The following DOCK2 variants were observed in gnomAD, a reference collection of about 807,000 sequenced individuals.
DOCK2 encodes dedicator of cytokinesis 2, also known as dedicator of cytokinesis protein 2.
A neutral mutation model predicts 248.9 loss-of-function variants in DOCK2; 87 were observed. The ratio of observed to expected loss-of-function variants is 0.35; its 90% CI spans 0.29 to 0.42. DOCK2 has a LOEUF of 0.42. Among genes scored for constraint, DOCK2 ranks in the 10% least tolerant of loss-of-function variants. The pLI, the probability that DOCK2 is intolerant of heterozygous loss-of-function variation, is 1.00. For synonymous variants in DOCK2, 805 were observed against 821.6 expected (o/e 0.98, Z 0.35); for missense variants, 1,747 against 2,300.2 (o/e 0.76, Z 4.92).
chr5:169,893,670 A>C (rs1429813202), intron 27 of DOCK2, among the ~76,000 whole-genome samples: 1 of 152,058 alleles, frequency 6.6e-6, no homozygotes, highest in Non-Finnish European at 1.5e-5. Flanking sequence ...GTCATGTTTC[A>C]CCCCTCTTCT....
intron 22 of DOCK2, among the ~76,000 whole-genome samples, chr5:169,746,481 C>T (rs952083760): frequency 9.2e-5 from 14 of 152,222 alleles, no homozygotes; most frequent in East Asian, 1.9e-4. Context: ...GCTTTTTGAG[C>T]GTGTAGGGCT....
At chr5:169,706,651 G>GT (rs1761283977) in intron 14 of DOCK2, among the ~76,000 whole-genome samples, 1 of 152,206 alleles carries the variant, frequency 6.6e-6, no homozygotes, top group South Asian at 2.1e-4. Context: ...TTCATCCCAT[G>GT]GAAAAACAAG....
intron 27 of DOCK2, among the ~76,000 whole-genome samples, chr5:169,952,479 G>T (rs1776701905): frequency 1.3e-5 from 2 of 152,020 alleles, no homozygotes; most frequent in Non-Finnish European, 2.9e-5. Flanking sequence ...TCTTATGCAG[G>T]TGACCTGTTT....
At chr5:169,819,957 C>T (rs1197465173) in intron 26 of DOCK2, among the ~76,000 whole-genome samples, 3 of 152,218 alleles carry the variant, frequency 2.0e-5, no homozygotes, top group Non-Finnish European at 4.4e-5. Flanking sequence ...TAGCAAACGG[C>T]ACACCAGGAG....
In DOCK2 at chr5:170,077,776, A is replaced by G. The variant is rs768506638; in HGVS notation, c.4933A>G (p.Ile1645Val). 2.5e-6 allele frequency: 4 copies of G among 1,613,876 alleles called. No individual in the cohort carries two copies. The highest frequency in any genetic ancestry group is 4.5e-5 in the East Asian group (2 of 44,864). The change falls in exon 48 of 52, where the codon ATC (isoleucine) becomes GTC (valine). Residue 1645 changes from isoleucine (I) to valine (V), a missense_variant. Ile to Val is a conservative substitution (Grantham distance 29). Transcript: ENST00000520908. ...SMLRSYRQMSIISLASMNSDC... is the reference protein window; with the variant it reads ...SMLRSYRQMSVISLASMNSDC... Reference sequence around the variant, plus strand: ...GCTGCGCTCATACAGACAGATGTCCATCATCTCTCTGGCTTCCATGAATTC... The same window carrying G: ...GCTGCGCTCATACAGACAGATGTCCGTCATCTCTCTGGCTTCCATGAATTC...
chr5:169,978,697 G>T (rs1037871329), intron 27 of DOCK2, among the ~76,000 whole-genome samples: 1 of 151,936 alleles, frequency 6.6e-6, no homozygotes, highest in African/African-American at 2.4e-5. Context: ...ACCTCCCTAC[G>T]TCCCGAAGGG....
intron 7 of DOCK2, 122 bp from the exon 8 acceptor site, chr5:169,684,074 G>C: frequency 1.7e-6 from 2 of 1,157,510 alleles, no homozygotes; most frequent in South Asian, 1.5e-5. Flanking sequence ...TTTGATGGCA[G>C]AGCTGGATGG....
Position 169,700,012 on chromosome 5 carries a change from A to C in DOCK2, c.1133-2A>C. The C allele has an allele frequency of 6.2e-7, 1 of 1,613,578 alleles. No individual in the cohort carries two copies. Among genetic ancestry groups the C allele is most frequent in the East Asian group, 2.2e-5 (1 of 44,850 alleles). Reference sequence around the variant, plus strand: ...TCTTCACGGTGAGCTGTTCCTTTGCAGGCCTCTGGGTGACCATGAAGATGC... The same window carrying C: ...TCTTCACGGTGAGCTGTTCCTTTGCCGGCCTCTGGGTGACCATGAAGATGC... On this transcript the variant is annotated splice_acceptor_variant, in intron 12 of 51. Transcript: ENST00000520908. LOFTEE classifies it high-confidence loss of function.
chr5:169,765,313 G>A lies in DOCK2; in HGVS notation c.2554+3688G>A, dbSNP rs116168617. 8.3e-3 allele frequency among the ~76,000 whole-genome samples: 1,268 copies of A among 152,314 alleles called. 23 individuals are homozygous for A. The highest frequency in any genetic ancestry group is 0.029 in the African/African-American group (1,203 of 41,562). ...AGCCTAGGAATTGCAGGAGTAAGGA[G>A]TCATCACCAGCCAGGTTCCCACATG... On this transcript the variant is annotated intron_variant, in intron 25 of 51. Coordinates refer to ENST00000520908, the MANE Select transcript of DOCK2 (RefSeq NM_004946.3).
At chr5:169,696,008 G>T in intron 10 of DOCK2, 70 bp downstream of exon 10, 1 of 1,501,772 alleles carries the variant, frequency 6.7e-7, no homozygotes, top group South Asian at 1.4e-5. Context: ...TTGTAATGAT[G>T]ATTTGTTTCC....
At chr5:169,862,723 C>T (rs1771283940) in intron 27 of DOCK2, among the ~76,000 whole-genome samples, 1 of 152,190 alleles carries the variant, frequency 6.6e-6, no homozygotes, top group South Asian at 2.1e-4. Context: ...GCCAAATTTC[C>T]CTTTCATTCT....
intron 19 of DOCK2, among the ~76,000 whole-genome samples, chr5:169,715,404 C>A (rs1213764992): frequency 6.6e-6 from 1 of 152,108 alleles, no homozygotes; most frequent in African/African-American, 2.4e-5. Context: ...TATTTAATTG[C>A]CTCTACCTGG....
intron 29 of DOCK2, among the ~76,000 whole-genome samples, chr5:169,990,075 G>A (rs1778167651): frequency 8.0e-6 from 1 of 124,384 alleles, no homozygotes; most frequent in East Asian, 2.3e-4. Flanking sequence ...CAGAAAGAAA[G>A]AACCCTCTTA....
At chr5:169,874,045 T>G (rs1224559938) in intron 27 of DOCK2, among the ~76,000 whole-genome samples, 1 of 152,146 alleles carries the variant, frequency 6.6e-6, no homozygotes, top group Non-Finnish European at 1.5e-5. Context: ...GCAGAGAATC[T>G]CCTTTACAGA....
chr5:169,874,551 C>G (rs1048430207), intron 27 of DOCK2, among the ~76,000 whole-genome samples: 3 of 152,036 alleles, frequency 2.0e-5, no homozygotes, highest in African/African-American at 7.2e-5. Context: ...GTGACCATAC[C>G]CCTATCCTGA....
At chr5:170,052,545 G>A (rs1756956537) in intron 41 of DOCK2, among the ~76,000 whole-genome samples, 1 of 152,150 alleles carries the variant, frequency 6.6e-6, no homozygotes, top group Non-Finnish European at 1.5e-5. Flanking sequence ...ACCCTCTAAG[G>A]GGAGTGTTAA....
rs75251300 is a variant in DOCK2, at chr5:169,846,216, C to G, written c.2799+5364C>G. Reference sequence around the variant, plus strand: ...GTGGGTATAGGATGGCTGGTTGCAACTCTCATTCTTATACGGGATTAGTGA... The same window carrying G: ...GTGGGTATAGGATGGCTGGTTGCAAGTCTCATTCTTATACGGGATTAGTGA... On this transcript the variant is annotated intron_variant, in intron 27 of 51. Transcript: ENST00000520908. Among the ~76,000 whole-genome samples, 513 of 152,270 alleles carry G rather than the reference C, an allele frequency of 3.4e-3. 6 individuals are homozygous for G. Among genetic ancestry groups the G allele is most frequent in the African/African-American group, 0.012 (500 of 41,554 alleles).
intron 26 of DOCK2, among the ~76,000 whole-genome samples, chr5:169,822,229 G>C (rs1581242265): frequency 6.6e-6 from 1 of 152,132 alleles, no homozygotes; most frequent in Non-Finnish European, 1.5e-5. Flanking sequence ...AGTTAACAAG[G>C]ATATCCAGGA....
In DOCK2 at chr5:169,686,472, G is replaced by C. The variant is rs190148044; in HGVS notation, c.761+2122G>C. ...GACGAGGGCCAGCCCAGGGAGAGTG[G>C]GGATGAACAGAGAGAGGAGGACAAA... On this transcript the variant is annotated intron_variant, in intron 8 of 51. Transcript: ENST00000520908. 2.4e-3 allele frequency among the ~76,000 whole-genome samples: 365 copies of C among 152,312 alleles called. 3 individuals are homozygous for C. Among genetic ancestry groups the C allele is most frequent in the Non-Finnish European group, 2.5e-3 (169 of 68,032 alleles).
Sources: gnomAD v4.1 joint callset for allele counts (sites outside exome capture counted in the v4.1 genomes callset) on GRCh38, gnomAD v4.1.1 for gene constraint, MANE v1.5 for transcripts, NCBI Gene and HGNC (gene_info 2026-07-23, HGNC 2026-07-21) for gene names.